Variants in ATP10B observed in about 807,000 individuals in gnomAD.
The protein encoded by ATP10B is ATPase phospholipid transporting 10B (putative).
ATP10B carries 122 observed loss-of-function variants against 141.2 expected under a neutral mutation model. That is an observed-to-expected ratio of 0.86 (90% CI 0.75 to 1.00). The LOEUF is 1.00. ATP10B is among the 50% of genes least tolerant of loss of function. ATP10B has a pLI of 0.00. For missense variants in ATP10B, 1,876 were observed against 1,825.3 expected, an observed-to-expected ratio of 1.03 and a Z score of -0.51; for synonymous variants, 685 against 692.0, an observed-to-expected ratio of 0.99 and a Z score of 0.16.
chr5:160,660,073 A>G (rs1053130734), intron 7 of ATP10B, among the ~76,000 whole-genome samples: 2 of 152,180 alleles, frequency 1.3e-5, no homozygotes, highest in Non-Finnish European at 2.9e-5. Flanking sequence ...TGGATAAGGA[A>G]TTTGCCTGAT....
the ATP10B span, among the ~76,000 whole-genome samples, chr5:160,892,473 T>G: frequency 3.5e-4 from 53 of 152,360 alleles, no homozygotes; most frequent in South Asian, 1.2e-3. Context: ...AGATAATTTT[T>G]GGGGGCACTG....
chr5:160,590,346 C>G (rs142390405), intron 23 of ATP10B, among the ~76,000 whole-genome samples: 11 of 152,212 alleles, frequency 7.2e-5, no homozygotes, highest in African/African-American at 2.2e-4. Flanking sequence ...CACAAGATCC[C>G]TGCCTCCCCT....
intron 2 of ATP10B, among the ~76,000 whole-genome samples, chr5:160,768,093 G>T (rs1769610215): frequency 6.6e-6 from 1 of 151,944 alleles, no homozygotes; most frequent in Non-Finnish European, 1.5e-5. Flanking sequence ...CTTTCCTCCA[G>T]TCAGGCCAAC....
the ATP10B span, among the ~76,000 whole-genome samples, chr5:160,879,294 C>G: frequency 2.7e-4 from 18 of 67,662 alleles, no homozygotes; most frequent in African/African-American, 9.6e-4. Flanking sequence ...GAACAAAAAA[C>G]CAAACACCAC....
At chr5:160,852,918 A>C (rs759694379), upstream of ATP10B, among the ~76,000 whole-genome samples, 1 of 152,176 alleles carries the variant, frequency 6.6e-6, no homozygotes, top group Non-Finnish European at 1.5e-5. Flanking sequence ...AAAAAAAGAA[A>C]TATTACCAAA....
At chr5:160,735,691 T>C (rs1767066535) in intron 2 of ATP10B, among the ~76,000 whole-genome samples, 1 of 152,070 alleles carries the variant, frequency 6.6e-6, no homozygotes, top group African/African-American at 2.4e-5. Context: ...CTACTGAATA[T>C]ACATTAGTTT....
chr5:160,586,117 C>A (rs1483355464), intron 24 of ATP10B, among the ~76,000 whole-genome samples: 1 of 152,150 alleles, frequency 6.6e-6, no homozygotes, highest in Non-Finnish European at 1.5e-5. Flanking sequence ...TCCTAATGCT[C>A]TCCCTCCGCT....
chr5:160,867,879 A>G, the ATP10B span, among the ~76,000 whole-genome samples: 1 of 152,180 alleles, frequency 6.6e-6, no homozygotes, highest in Non-Finnish European at 1.5e-5. Flanking sequence ...ATTATTTTCT[A>G]TTCATTTGAT....
rs1012925744 is a variant in ATP10B, at chr5:160,686,227, G to A, written c.322C>T (p.Pro108Ser). The change falls in exon 6 of 26, where the codon CCC (proline) becomes TCC (serine). Residue 108 changes from proline to serine, a missense_variant. Coordinates refer to ENST00000327245, the MANE Select transcript of ATP10B (RefSeq NM_025153.3). ...FLFLVILNWM[P>S]SMEVFHREIT... ...TCTCTGTGGAAGACTTCCATGGAGG[G>A]CATCCAGTTCAAAATCACCAGGAAC... 2 of 1,609,380 alleles carry A rather than the reference G, an allele frequency of 1.2e-6. No individual in the cohort carries two copies. The highest frequency in any genetic ancestry group is 1.7e-6 in the Non-Finnish European group (2 of 1,176,962).
chr5:160,593,160 C>T (rs547184545), intron 22 of ATP10B, among the ~76,000 whole-genome samples: 4 of 152,224 alleles, frequency 2.6e-5, no homozygotes, highest in Non-Finnish European at 4.4e-5. Flanking sequence ...AACTGGGAGG[C>T]ACCCCCTCAG....
At position 160,716,966 on chromosome 5, in the gene ATP10B, G is replaced by T. The variant is rs765968087; in HGVS notation, c.-262C>A. The T allele has an allele frequency of 1.2e-4, 115 of 985,280 alleles. No individual in the cohort carries two copies. Among genetic ancestry groups the T allele is most frequent in the Non-Finnish European group, 1.4e-4 (113 of 829,896 alleles). The allele number at this position is 985,280 out of a possible 1,614,324, so 61.0% of individuals were successfully genotyped here. On this transcript the variant is annotated 5_prime_UTR_variant, in exon 3 of 26. It adds an upstream start codon to the 5' untranslated region. Coordinates refer to ENST00000327245, the MANE Select transcript of ATP10B (RefSeq NM_025153.3). Reference sequence around the variant, plus strand: ...CAGTGACCTTTGCTGTGCCCCTACAGCCACAGGAAGAGGGGGCAGATGTAG... The same window carrying T: ...CAGTGACCTTTGCTGTGCCCCTACATCCACAGGAAGAGGGGGCAGATGTAG...
chr5:160,582,888 A>G (rs1200345980), intron 24 of ATP10B, among the ~76,000 whole-genome samples: 2 of 152,120 alleles, frequency 1.3e-5, no homozygotes, highest in Non-Finnish European at 2.9e-5. Context: ...ATACTTGTGT[A>G]TGCTTCACAA....
chr5:160,893,922 G>A, the ATP10B span, among the ~76,000 whole-genome samples: 6 of 152,302 alleles, frequency 3.9e-5, no homozygotes, highest in African/African-American at 1.4e-4. Context: ...TGGACCTCCA[G>A]CAAGCTCCAG....
At chr5:160,898,688 A>C in the ATP10B span, among the ~76,000 whole-genome samples, 233 of 152,048 alleles carry the variant, frequency 1.5e-3, no homozygotes, top group African/African-American at 5.4e-3. Flanking sequence ...ATAAAGACAC[A>C]TGCACACGTA....
intron 16 of ATP10B, among the ~76,000 whole-genome samples, chr5:160,616,776 T>C (rs1341677930): frequency 6.6e-6 from 1 of 152,194 alleles, no homozygotes. Flanking sequence ...GCCTTTTGCT[T>C]TTGAGGAATG....
intron 1 of ATP10B, among the ~76,000 whole-genome samples, chr5:160,845,423 G>A (rs1234424280): frequency 1.3e-5 from 2 of 152,072 alleles, no homozygotes; most frequent in East Asian, 3.9e-4. Flanking sequence ...AAAAGGGAGA[G>A]GGTGGTGACT....
chr5:160,816,525 A>G (rs936423163), intron 1 of ATP10B, among the ~76,000 whole-genome samples: 1 of 152,120 alleles, frequency 6.6e-6, no homozygotes, highest in Non-Finnish European at 1.5e-5. Flanking sequence ...TTACCAACCA[A>G]AAAAAATCCA....
At chr5:160,763,166 G>T (rs1436023500) in intron 2 of ATP10B, among the ~76,000 whole-genome samples, 1 of 152,006 alleles carries the variant, frequency 6.6e-6, no homozygotes. Context: ...TCAAGACAAA[G>T]TCAACAAAGA....
intron 2 of ATP10B, among the ~76,000 whole-genome samples, chr5:160,732,185 A>C (rs1239664219): frequency 6.6e-6 from 1 of 152,236 alleles, no homozygotes; most frequent in Non-Finnish European, 1.5e-5. Flanking sequence ...GGGAAAAATG[A>C]AAAAGAACCA....
Sources: gnomAD v4.1 joint callset for allele counts (sites outside exome capture counted in the v4.1 genomes callset) on GRCh38, gnomAD v4.1.1 for gene constraint, MANE v1.5 for transcripts, NCBI Gene and HGNC (gene_info 2026-07-23, HGNC 2026-07-21) for gene names.